RAP1A: variants seen among roughly 807,000 people sequenced by gnomAD.
The protein encoded by RAP1A is RAP1A, member of RAS oncogene family.
In RAP1A, 6 loss-of-function variants were observed where a neutral mutation model predicts 26.4. That is an observed-to-expected ratio of 0.23 (90% CI 0.12 to 0.45). The LOEUF (loss-of-function observed/expected upper bound fraction) is 0.45, where lower values mean the gene tolerates loss of function less well. Ranked by LOEUF, RAP1A falls within the 20% of genes least tolerant of loss-of-function variation. The pLI is 0.99. For synonymous variants in RAP1A, 73 were observed against 79.4 expected (o/e 0.92, Z 0.43); for missense variants, 121 against 217.2 (o/e 0.56, Z 2.78).
At chr1:111,677,009 G>T (rs963353224) in intron 1 of RAP1A, among the ~76,000 whole-genome samples, 3 of 152,140 alleles carry the variant, frequency 2.0e-5, no homozygotes, top group African/African-American at 7.2e-5. Flanking sequence ...GGCCAGGCCG[G>T]TCTCGAACTC....
At position 111,644,733 on chromosome 1, in the gene RAP1A, C is replaced by T. The variant is rs182836296; in HGVS notation, c.-28+24799C>T. Among the ~76,000 whole-genome samples the T allele has an allele frequency of 5.9e-5, 9 of 152,254 alleles. No homozygotes were observed. The East Asian group carries it at 1.5e-3, about 26-fold the overall frequency. On this transcript the variant is annotated intron_variant, in intron 1 of 7. Coordinates refer to ENST00000369709, the MANE Select transcript of RAP1A (RefSeq NM_002884.4). ...CCAGATTATGTAGAATGTTACAAGG[C>T]CTGATAATGAGCTTGGGCCTTATTC... is the stretch of plus-strand genomic sequence containing the variant.
chr1:111,675,309 G>A (rs929877873), intron 1 of RAP1A, among the ~76,000 whole-genome samples: 4 of 151,822 alleles, frequency 2.6e-5, no homozygotes, highest in Non-Finnish European at 5.9e-5. Context: ...GTGAAACCCC[G>A]TCTCTACAAA....
chr1:111,683,121 G>C (rs756218668), intron 1 of RAP1A, among the ~76,000 whole-genome samples: 2 of 152,142 alleles, frequency 1.3e-5, no homozygotes, highest in Non-Finnish European at 2.9e-5. Context: ...TGAAATCAAT[G>C]AGAACAAAGA....
intron 7 of RAP1A, among the ~76,000 whole-genome samples, chr1:111,711,837 C>T (rs1017464917): frequency 6.6e-6 from 1 of 152,166 alleles, no homozygotes; most frequent in African/African-American, 2.4e-5. Context: ...GTTTTAAAGA[C>T]ATCTGAGAGA....
intron 1 of RAP1A, among the ~76,000 whole-genome samples, chr1:111,590,206 A>G (rs765559788): frequency 1.3e-5 from 2 of 152,194 alleles, no homozygotes; most frequent in African/African-American, 2.4e-5. Flanking sequence ...GTAGATAATC[A>G]CATTGATTGT....
intron 3 of RAP1A, 98 bp from the exon 4 acceptor site, chr1:111,697,343 G>C: frequency 6.3e-7 from 1 of 1,588,370 alleles, no homozygotes; most frequent in Non-Finnish European, 8.5e-7. Context: ...GACAGGCTTT[G>C]TATTTGTTAA....
upstream of RAP1A, among the ~76,000 whole-genome samples, chr1:111,618,979 C>T (rs1033918897): frequency 6.6e-6 from 1 of 152,216 alleles, no homozygotes; most frequent in Non-Finnish European, 1.5e-5. Flanking sequence ...CAACATGAAT[C>T]AGATGCGGTC....
chr1:111,678,371 T>A (rs1661192200), intron 1 of RAP1A, among the ~76,000 whole-genome samples: 1 of 152,250 alleles, frequency 6.6e-6, no homozygotes, highest in Admixed American at 6.5e-5. Flanking sequence ...GATGTTTTTG[T>A]AAATGGCATT....
chr1:111,666,347 C>T (rs570770740), intron 1 of RAP1A, among the ~76,000 whole-genome samples: 1 of 152,238 alleles, frequency 6.6e-6, no homozygotes, highest in Admixed American at 6.5e-5. Context: ...ATTATTTGTA[C>T]AGTTCTATGT....
chr1:111,704,496 A>G lies in RAP1A; in HGVS notation c.468+10A>G, dbSNP rs776361772. 2 of 1,608,720 alleles carry G rather than the reference A, an allele frequency of 1.2e-6. No homozygotes were observed. Among genetic ancestry groups the G allele is most frequent in the Non-Finnish European group, 1.7e-6 (2 of 1,176,890 alleles). On this transcript the variant is annotated intron_variant, in intron 6 of 7. Transcript: ENST00000369709. ...GATCAATGTTAATGAGGTAACCTACAACTGCTGGGCAGCACAAACAAGTGC... is the reference window on the plus strand; with the variant it reads ...GATCAATGTTAATGAGGTAACCTACGACTGCTGGGCAGCACAAACAAGTGC...
At position 111,636,684 on chromosome 1, in the gene RAP1A, T is replaced by C. The variant is rs143456911; in HGVS notation, c.-28+16750T>C. 1.6e-3 allele frequency among the ~76,000 whole-genome samples: 236 copies of C among 152,114 alleles called. 2 individuals carry two copies. The highest frequency in any genetic ancestry group is 5.5e-3 in the African/African-American group (229 of 41,450). Reference sequence around the variant, plus strand: ...TTTTAGTAGAGACAGGGTTTCTCCATGTTGGTCAGGCTGAGTCTCCCCACC... The same window carrying C: ...TTTTAGTAGAGACAGGGTTTCTCCACGTTGGTCAGGCTGAGTCTCCCCACC... On this transcript the variant is annotated intron_variant, in intron 1 of 7. Coordinates refer to ENST00000369709, the MANE Select transcript of RAP1A (RefSeq NM_002884.4).
At chr1:111,648,286 C>T in intron 1 of RAP1A, 1 of 987,880 alleles carries the variant, frequency 1.0e-6, no homozygotes, top group African/African-American at 1.6e-5. Flanking sequence ...CTTCTGCTGG[C>T]TTAATTCTCA....
intron 1 of RAP1A, among the ~76,000 whole-genome samples, chr1:111,577,012 G>A (rs1327188397): frequency 6.6e-6 from 1 of 152,184 alleles, no homozygotes. Context: ...CTGAGACCCA[G>A]GAAGTTCCAT....
At position 111,701,396 on chromosome 1, in the gene RAP1A, T is replaced by C. The variant is rs189614563; in HGVS notation, c.184-1940T>C. Reference sequence around the variant, plus strand: ...CCCGTGAGGCCTTCCCTGAGCATAGTCTTTTAAAATATAACTTTATATTCC... The same window carrying C: ...CCCGTGAGGCCTTCCCTGAGCATAGCCTTTTAAAATATAACTTTATATTCC... On this transcript the variant is annotated intron_variant, in intron 4 of 7. Transcript: ENST00000369709. 2.1e-3 allele frequency among the ~76,000 whole-genome samples: 314 copies of C among 152,322 alleles called. 2 individuals carry two copies. The highest frequency in any genetic ancestry group is 7.3e-3 in the African/African-American group (305 of 41,562).
At chr1:111,598,637 C>A (rs960662946) in intron 1 of RAP1A, among the ~76,000 whole-genome samples, 1 of 152,148 alleles carries the variant, frequency 6.6e-6, no homozygotes, top group Admixed American at 6.5e-5. Context: ...CCACAACAAT[C>A]ATCGCAGAAG....
chr1:111,626,668 T>C (rs1374752438), intron 1 of RAP1A, among the ~76,000 whole-genome samples: 1 of 152,226 alleles, frequency 6.6e-6, no homozygotes. Flanking sequence ...CCTAATTAAT[T>C]ATGATGTGTT....
intron 1 of RAP1A, among the ~76,000 whole-genome samples, chr1:111,569,730 T>A (rs994492071): frequency 2.6e-5 from 4 of 152,024 alleles, no homozygotes; most frequent in African/African-American, 4.8e-5. Context: ...GGAGGTACCT[T>A]TGGCCAAGAG....
chr1:111,678,019 A>G (rs1189365226), intron 1 of RAP1A, among the ~76,000 whole-genome samples: 1 of 152,250 alleles, frequency 6.6e-6, no homozygotes, highest in Non-Finnish European at 1.5e-5. Context: ...GTTTGTCGTT[A>G]TGCTGATATC....
intron 1 of RAP1A, among the ~76,000 whole-genome samples, chr1:111,547,124 T>C (rs2101030920): frequency 6.6e-6 from 1 of 152,332 alleles, no homozygotes; most frequent in South Asian, 2.1e-4. Flanking sequence ...TCTTGTATCC[T>C]TCAACTTTGA....
Sources: gnomAD v4.1 joint callset for allele counts (sites outside exome capture counted in the v4.1 genomes callset) on GRCh38, gnomAD v4.1.1 for gene constraint, MANE v1.5 for transcripts, NCBI Gene and HGNC (gene_info 2026-07-23, HGNC 2026-07-21) for gene names.